METTL16: variants seen among roughly 807,000 people sequenced by gnomAD.
METTL16 encodes RNA N(6)-adenosine-methyltransferase METTL16.
A neutral mutation model predicts 57.9 loss-of-function variants in METTL16; 19 were observed. That is an observed-to-expected ratio of 0.33 (90% confidence interval 0.23 to 0.48). METTL16 has a LOEUF of 0.48. METTL16 is among the 20% of genes least tolerant of loss of function. The pLI is 0.99. For synonymous variants in METTL16, 246 were observed against 255.6 expected, an observed-to-expected ratio of 0.96 and a Z score of 0.36; for missense variants, 434 against 691.5, an observed-to-expected ratio of 0.63 and a Z score of 4.18.
intron 8 of METTL16, among the ~76,000 whole-genome samples, chr17:2,429,281 C>T (rs1482319145): frequency 1.3e-5 from 2 of 149,142 alleles, no homozygotes; most frequent in Non-Finnish European, 3.0e-5. Flanking sequence ...CTCCACCTCC[C>T]GGGTTCAAGC....
At chr17:2,472,146 G>A (rs928763418) in intron 4 of METTL16, among the ~76,000 whole-genome samples, 5 of 148,800 alleles carry the variant, frequency 3.4e-5, no homozygotes, top group Admixed American at 6.7e-5. Flanking sequence ...GGCCTGAACA[G>A]ACATCTCACC....
chr17:2,465,310 G>T (rs148740490), intron 5 of METTL16, among the ~76,000 whole-genome samples: 1 of 151,224 alleles, frequency 6.6e-6, no homozygotes, highest in South Asian at 2.1e-4. Context: ...TTAGGAGGCC[G>T]AGGCGGGAGG....
At chr17:2,450,791 T>TTA (rs2067063046) in intron 6 of METTL16, among the ~76,000 whole-genome samples, 1 of 152,142 alleles carries the variant, frequency 6.6e-6, no homozygotes, top group Non-Finnish European at 1.5e-5. Context: ...AAATTTCAGA[T>TTA]TAAGGGATAT....
intron 1 of METTL16, among the ~76,000 whole-genome samples, chr17:2,509,079 C>A (rs1485952272): frequency 6.6e-6 from 1 of 152,192 alleles, no homozygotes; most frequent in Admixed American, 6.5e-5. Flanking sequence ...TGCCCATCTA[C>A]ACGCTTTCAA....
At chr17:2,443,047 T>G (rs891560827) in intron 6 of METTL16, among the ~76,000 whole-genome samples, 1 of 152,054 alleles carries the variant, frequency 6.6e-6, no homozygotes, top group Non-Finnish European at 1.5e-5. Context: ...TGGAGTGCAG[T>G]GGCGTGATCT....
At chr17:2,441,757 TAAAAAATA>T (rs2066953665) in intron 6 of METTL16, among the ~76,000 whole-genome samples, 198 bp from the exon 7 acceptor site, 1 of 151,862 alleles carries the variant, frequency 6.6e-6, no homozygotes. Flanking sequence ...CAAGGCAACT[TAAAAAATA>T]AATAAATAAA....
intron 4 of METTL16, among the ~76,000 whole-genome samples, chr17:2,471,015 T>C (rs561813105): frequency 1.3e-5 from 2 of 152,248 alleles, no homozygotes; most frequent in Middle Eastern, 3.4e-3. Flanking sequence ...AGTGAATGAA[T>C]AGATCAACAG....
At chr17:2,459,206 G>C (rs772416114) in intron 6 of METTL16, among the ~76,000 whole-genome samples, 1 of 152,206 alleles carries the variant, frequency 6.6e-6, no homozygotes, top group Admixed American at 6.5e-5. Context: ...CCTCATCAAC[G>C]ACAGAAAGGC....
chr17:2,439,874 C>T (rs1044663850), intron 7 of METTL16, among the ~76,000 whole-genome samples: 2 of 151,986 alleles, frequency 1.3e-5, no homozygotes, highest in African/African-American at 4.8e-5. Context: ...AAAGAAAATT[C>T]TATACTCAAA....
At chr17:2,460,902 A>G (rs1188000603) in intron 6 of METTL16, among the ~76,000 whole-genome samples, 1 of 152,002 alleles carries the variant, frequency 6.6e-6, no homozygotes, top group Admixed American at 6.6e-5. Flanking sequence ...AAAAAAAAAA[A>G]AAGTCATCAT....
At chr17:2,483,010 G>T (rs1019333138) in intron 2 of METTL16, among the ~76,000 whole-genome samples, 3 of 149,810 alleles carry the variant, frequency 2.0e-5, no homozygotes, top group Non-Finnish European at 4.4e-5. Flanking sequence ...GTGAAAATCA[G>T]ATCATATAGT....
chr17:2,454,697 T>C (rs1197902713), intron 6 of METTL16, among the ~76,000 whole-genome samples: 4 of 151,402 alleles, frequency 2.6e-5, no homozygotes, highest in Admixed American at 2.6e-4. Flanking sequence ...CCCAAGTAGC[T>C]GGGATTACAG....
At chr17:2,460,306 G>C (rs1300801659) in intron 6 of METTL16, 1 of 152,114 alleles carries the variant, frequency 6.6e-6, no homozygotes, top group Non-Finnish European at 1.5e-5. Context: ...GCTCTCCAGA[G>C]CTGGGATGGG....
At chr17:2,442,432 C>T (rs573991924) in intron 6 of METTL16, among the ~76,000 whole-genome samples, 40 of 150,928 alleles carry the variant, frequency 2.7e-4, no homozygotes, top group African/African-American at 8.8e-4. Context: ...GAGATGCTGA[C>T]GGAGTTACGA....
intron 6 of METTL16, among the ~76,000 whole-genome samples, chr17:2,442,561 T>C (rs989083896): frequency 5.3e-5 from 8 of 150,954 alleles, no homozygotes; most frequent in African/African-American, 2.4e-5. Context: ...AGAAGAATGA[T>C]GAAACCAAGA....
At position 2,420,858 on chromosome 17, in the gene METTL16, A is replaced by G; in HGVS notation, c.935T>C (p.Ile312Thr). The G allele has an allele frequency of 1.2e-6, 2 of 1,614,182 alleles. No homozygotes were observed. The highest frequency in any genetic ancestry group is 1.7e-6 in the Non-Finnish European group (2 of 1,180,024). Residue 312 changes from isoleucine to threonine, a missense_variant, in exon 9 of 10, where the codon ATA becomes ACA. This residue lies in a region of METTL16 where 96 missense variants were observed against 138.3 expected (regional missense o/e 0.69). Transcript: ENST00000263092. The surrounding 1 kb of genome is among the most constrained non-coding windows in gnomAD (Gnocchi z 5.4). ...CACGGACGCCAGCACCACGAATGTT[A>G]TGGGTTTTCTCGGTTTCTCTAATTT... is the stretch of plus-strand genomic sequence containing the variant. ...RRKLEKPRKP[I>T]TFVVLASVMK...
chr17:2,495,770 G>A lies in METTL16; in HGVS notation c.128+6434C>T, dbSNP rs551134911. On this transcript the variant is annotated intron_variant, in intron 2 of 9. Transcript: ENST00000263092. ...TGACGGGCTCAAGACTTCAGCATGG[G>A]AAGTAACTGCAGATGTGCTGAAAAT... Among the ~76,000 whole-genome samples the A allele has an allele frequency of 4.9e-4, 74 of 150,806 alleles. 3 individuals are homozygous for A. The highest frequency in any genetic ancestry group is 1.8e-3 in the African/African-American group (73 of 40,652).
chr17:2,488,729 A>G (rs1036830664), intron 2 of METTL16, among the ~76,000 whole-genome samples: 5 of 152,240 alleles, frequency 3.3e-5, no homozygotes, highest in Admixed American at 3.3e-4. Flanking sequence ...AGTCTAACTC[A>G]TGAAAAGGTT....
intron 1 of METTL16, among the ~76,000 whole-genome samples, chr17:2,507,169 C>A (rs977218965): frequency 1.3e-5 from 2 of 149,618 alleles, no homozygotes; most frequent in Admixed American, 1.3e-4. Flanking sequence ...AGCCCCTCTG[C>A]CCGGCCAGCC....
Sources: gnomAD v4.1 joint callset for allele counts (sites outside exome capture counted in the v4.1 genomes callset) on GRCh38, gnomAD v4.1.1 for gene constraint, gnomAD v4.1.1 regional missense constraint, Gnocchi (gnomAD v3.1) non-coding constraint, MANE v1.5 for transcripts, NCBI Gene and HGNC (gene_info 2026-07-23, HGNC 2026-07-21) for gene names.